Variants in BPIFB2 observed in about 807,000 individuals in gnomAD.
The protein encoded by BPIFB2 is BPI fold containing family B member 2, also known as BPI fold-containing family B member 2.
A neutral mutation model predicts 50.1 loss-of-function variants in BPIFB2; 39 were observed. The ratio of observed to expected loss-of-function variants is 0.78; its 90% CI spans 0.60 to 1.02. The LOEUF is 1.02. Among genes scored for constraint, BPIFB2 ranks in the 50% least tolerant of loss-of-function variants. The pLI, the probability that BPIFB2 is intolerant of heterozygous loss-of-function variation, is 0.00. For missense variants in BPIFB2, 574 were observed against 585.8 expected (o/e 0.98, Z 0.21); for synonymous variants, 280 against 256.3 (o/e 1.09, Z -0.88).
intron 3 of BPIFB2, among the ~76,000 whole-genome samples, chr20:33,012,543 A>G (rs1400902781): frequency 6.6e-6 from 1 of 152,138 alleles, no homozygotes; most frequent in African/African-American, 2.4e-5. Context: ...GAAACTGTCA[A>G]AAACCTGAGC....
intron 2 of BPIFB2, 125 bp downstream of exon 2, chr20:33,008,808 C>A: frequency 1.3e-6 from 1 of 770,084 alleles, no homozygotes. Flanking sequence ...GAAGTTGTGT[C>A]CCTGGCACCC....
chr20:33,018,435 G>T, intron 8 of BPIFB2, 85 bp downstream of exon 8: 1 of 1,381,218 alleles, frequency 7.2e-7, no homozygotes, highest in Non-Finnish European at 1.0e-6. Context: ...AAGGAGCGGG[G>T]GAGTGGGAAA....
At chr20:33,014,355 C>A (rs1031226594) in intron 5 of BPIFB2, among the ~76,000 whole-genome samples, 1 of 152,188 alleles carries the variant, frequency 6.6e-6, no homozygotes. Context: ...CAGGCCAGGC[C>A]GCTCCCTTCT....
intron 2 of BPIFB2, 68 bp from the exon 3 acceptor site, chr20:33,010,956 G>A (rs1265719005): frequency 4.7e-5 from 63 of 1,333,148 alleles, no homozygotes; most frequent in East Asian, 1.8e-4. Flanking sequence ...GTAGATGGCA[G>A]GCAGTGTGTT....
chr20:33,012,430 C>T (rs1392966185), intron 3 of BPIFB2, among the ~76,000 whole-genome samples: 1 of 152,158 alleles, frequency 6.6e-6, no homozygotes, highest in African/African-American at 2.4e-5. Flanking sequence ...CTGTAGGCTA[C>T]GAGCTGCAGA....
At chr20:33,022,059 A>T (rs1262785746) in intron 15 of BPIFB2, among the ~76,000 whole-genome samples, 1 of 152,214 alleles carries the variant, frequency 6.6e-6, no homozygotes, top group Non-Finnish European at 1.5e-5. Flanking sequence ...GTGCCCTGGA[A>T]TGGGCACAAC....
intron 7 of BPIFB2, 56 bp from the exon 8 acceptor site, chr20:33,018,203 G>C (rs996814082): frequency 2.3e-6 from 3 of 1,300,886 alleles, no homozygotes; most frequent in Non-Finnish European, 3.3e-6. Context: ...TAGATGAAAC[G>C]TTGGTGAGCA....
At chr20:33,008,957 T>C (rs957252355) in intron 2 of BPIFB2, among the ~76,000 whole-genome samples, 2 of 152,004 alleles carry the variant, frequency 1.3e-5, no homozygotes, top group African/African-American at 2.4e-5. Flanking sequence ...CATAGGTCGG[T>C]TTGAGGGGCT....
chr20:33,019,114 A>G lies in BPIFB2; in HGVS notation c.908A>G (p.Glu303Gly). ...TCTGCTCTGGGCCGGCTCATCCCGG[A>G]GGTCGGTGATGTTTCTGATCATTCC... ...NTSALGRLIP[E>G]VARQFPEPMP... Residue 303 changes from glutamate to glycine, a missense_variant and splice_region_variant, in exon 10 of 16, where the codon GAG (glutamate) becomes GGG (glycine). Transcript: ENST00000170150. The G allele has an allele frequency of 1.2e-6, 2 of 1,613,930 alleles. No individual in the cohort carries two copies. Among genetic ancestry groups the G allele is most frequent in the African/African-American group, 1.3e-5 (1 of 74,944 alleles).
At chr20:33,017,128 G>C in intron 7 of BPIFB2, 26 bp downstream of exon 7, 1 of 1,609,526 alleles carries the variant, frequency 6.2e-7, no homozygotes, top group Non-Finnish European at 8.5e-7. Flanking sequence ...CAGGGGAGGG[G>C]GCTGGGGCCT....
intron 2 of BPIFB2, among the ~76,000 whole-genome samples, chr20:33,010,019 G>A (rs1201348285): frequency 1.1e-4 from 17 of 152,202 alleles, no homozygotes; most frequent in Admixed American, 9.8e-4. Flanking sequence ...GGAAACCACC[G>A]CCTTTATGCT....
In BPIFB2 at chr20:33,020,471, G is replaced by A. The variant is rs1227066065; in HGVS notation, c.1149-71G>A. ...TGGGTCCATCACCACCCTGGGTCAC[G>A]GTGTTAGCCAGGGAGCCTGGGCGTA... On this transcript the variant is annotated intron_variant, in intron 12 of 15. Coordinates refer to ENST00000170150, the MANE Select transcript of BPIFB2 (RefSeq NM_025227.3). 4.9e-5 allele frequency: 78 copies of A among 1,595,292 alleles called. No homozygotes were observed. In the East Asian group the frequency reaches 1.1e-3, roughly 23 times the overall value.
intron 11 of BPIFB2, among the ~76,000 whole-genome samples, chr20:33,019,968 C>G (rs559084214): frequency 2.0e-5 from 3 of 152,336 alleles, no homozygotes; most frequent in South Asian, 4.2e-4. Context: ...CCTCCTCTTC[C>G]AGGCCTCAGC....
chr20:33,021,441 G>A lies in BPIFB2; in HGVS notation c.1258+97G>A, dbSNP rs1035503253. On this transcript the variant is annotated intron_variant, in intron 14 of 15. Coordinates refer to ENST00000170150, the MANE Select transcript of BPIFB2 (RefSeq NM_025227.3). Reference sequence around the variant, plus strand: ...TCCCAGCCCCCTTCCCACCTCCCAGGCTCACAGGGTGAGAGGGGGCCTCTG... The same window carrying A: ...TCCCAGCCCCCTTCCCACCTCCCAGACTCACAGGGTGAGAGGGGGCCTCTG... The A allele has an allele frequency of 2.6e-5, 35 of 1,364,498 alleles. No homozygotes were observed. In the African/African-American group the frequency reaches 3.7e-4, roughly 15 times the overall value. 84.5% of individuals were successfully genotyped at this position (1,364,498 alleles called of 1,614,324 possible). A position where few individuals can be genotyped will look rare whatever the true frequency, so the allele number is the denominator to read the frequency against.
intron 2 of BPIFB2, among the ~76,000 whole-genome samples, chr20:33,010,540 G>T (rs148963291): frequency 6.6e-6 from 1 of 152,224 alleles, no homozygotes; most frequent in African/African-American, 2.4e-5. Flanking sequence ...TGAGCACTGC[G>T]GTTTGAAACC....
rs571119164 is a variant in BPIFB2 at position 33,015,021 on chromosome 20, A to T, written c.456-415A>T. ...AGAGGGGAAACGGAGGCCCAGAGTC[A>T]GGAAGGGATTTTATTAGGTGTGTCA... is the stretch of plus-strand genomic sequence containing the variant. On this transcript the variant is annotated intron_variant, in intron 5 of 15. Coordinates refer to ENST00000170150, the MANE Select transcript of BPIFB2 (RefSeq NM_025227.3). Among the ~76,000 whole-genome samples the T allele has an allele frequency of 3.3e-5, 5 of 152,356 alleles. No individual in the cohort carries two copies. In the South Asian group the frequency reaches 1.0e-3, roughly 32 times the overall value.
intron 5 of BPIFB2, among the ~76,000 whole-genome samples, 183 bp downstream of exon 5, chr20:33,014,139 T>G (rs1990325719): frequency 6.6e-6 from 1 of 152,152 alleles, no homozygotes; most frequent in South Asian, 2.1e-4. Flanking sequence ...ATGCCTGAGG[T>G]CACACAGCAA....
intron 3 of BPIFB2, among the ~76,000 whole-genome samples, chr20:33,012,142 A>G (rs1238754261): frequency 6.6e-6 from 1 of 152,190 alleles, no homozygotes; most frequent in Non-Finnish European, 1.5e-5. Context: ...CATGGTTAAT[A>G]AAGGTGGAGA....
At chr20:33,008,496 G>T in intron 1 of BPIFB2, 45 bp from the exon 2 acceptor site, 1 of 1,239,662 alleles carries the variant, frequency 8.1e-7, no homozygotes, top group Non-Finnish European at 1.1e-6. Flanking sequence ...TGGCTCAGGG[G>T]TGGGCTGTTT....
Sources: allele counts gnomAD v4.1 joint callset (sites outside exome capture counted in the v4.1 genomes callset), GRCh38; gene constraint gnomAD v4.1.1; transcripts MANE v1.5; gene names NCBI Gene and HGNC (gene_info 2026-07-23, HGNC 2026-07-21).